The following GRIA4 variants were observed in gnomAD, a reference collection of about 807,000 sequenced individuals.
The protein encoded by GRIA4 is glutamate receptor 4.
Under a neutral mutation model 104.0 loss-of-function variants are expected in GRIA4, and 34 were observed. The observed-to-expected ratio is 0.33, with a 90% confidence interval of 0.25 to 0.44. The LOEUF (loss-of-function observed/expected upper bound fraction) is 0.44. Among genes scored for constraint, GRIA4 ranks in the 20% least tolerant of loss-of-function variants. The pLI is 1.00. For missense variants in GRIA4, 750 were observed against 1,096.5 expected (o/e 0.68, Z 4.46); for synonymous variants, 386 against 381.9 (o/e 1.01, Z -0.13).
At chr11:105,851,418 T>A (rs1209549433) in intron 4 of GRIA4, among the ~76,000 whole-genome samples, 2 of 152,214 alleles carry the variant, frequency 1.3e-5, no homozygotes, top group East Asian at 3.8e-4. Context: ...CTTTCCAAAG[T>A]AGCACATAGG....
chr11:105,684,183 T>C (rs1952798807), intron 3 of GRIA4, among the ~76,000 whole-genome samples: 1 of 152,034 alleles, frequency 6.6e-6, no homozygotes, highest in Non-Finnish European at 1.5e-5. Flanking sequence ...CAAATGCATA[T>C]TCTTAAATTG....
In GRIA4 at chr11:105,685,622, A is replaced by G. The variant is rs900180146; in HGVS notation, c.248-67359A>G. 1.6e-4 allele frequency among the ~76,000 whole-genome samples: 24 copies of G among 152,204 alleles called. 1 individual carries two copies. The highest frequency in any genetic ancestry group is 5.5e-4 in the African/African-American group (23 of 41,450). ...AAGGGGAGAAGATGTGTGAAAATTTATTATTTATATATGATCAGAAAAGTT... is the reference window on the plus strand; with the variant it reads ...AAGGGGAGAAGATGTGTGAAAATTTGTTATTTATATATGATCAGAAAAGTT... On this transcript the variant is annotated intron_variant, in intron 3 of 16. Coordinates refer to ENST00000282499, the MANE Select transcript of GRIA4 (RefSeq NM_000829.4).
At position 105,682,435 on chromosome 11, in the gene GRIA4, T is replaced by C. The variant is rs150314585; in HGVS notation, c.247+70001T>C. 2.0e-3 allele frequency among the ~76,000 whole-genome samples: 306 copies of C among 152,316 alleles called. 1 individual carries two copies. Among genetic ancestry groups the C allele is most frequent in the Non-Finnish European group, 3.8e-3 (258 of 68,032 alleles). On this transcript the variant is annotated intron_variant, in intron 3 of 16. Transcript: ENST00000282499. ...TGTACTCTTTCATCTAAAGAAAAGA[T>C]GATGACAGAAACCAGAACACATTTA...
chr11:105,807,166 G>A (rs557591478), intron 4 of GRIA4, among the ~76,000 whole-genome samples: 1 of 151,878 alleles, frequency 6.6e-6, no homozygotes, highest in African/African-American at 2.4e-5. Flanking sequence ...AAGAACACTG[G>A]GAATAAAGAG....
At chr11:105,818,490 T>C (rs138098221) in intron 4 of GRIA4, among the ~76,000 whole-genome samples, 1 of 152,302 alleles carries the variant, frequency 6.6e-6, no homozygotes, top group Non-Finnish European at 1.5e-5. Flanking sequence ...TTGCTTACTA[T>C]GTTATTTTTC....
At chr11:105,696,235 T>G (rs982284568) in intron 3 of GRIA4, among the ~76,000 whole-genome samples, 2 of 152,176 alleles carry the variant, frequency 1.3e-5, no homozygotes, top group African/African-American at 2.4e-5. Context: ...TGTTACGTAC[T>G]TGACCTTGGC....
intron 4 of GRIA4, among the ~76,000 whole-genome samples, chr11:105,806,656 G>A (rs950348864): frequency 2.0e-5 from 3 of 151,700 alleles, no homozygotes; most frequent in Non-Finnish European, 3.0e-5. Context: ...ATGAAATTTT[G>A]TATATTGAAT....
At chr11:105,779,576 T>A (rs902689825) in intron 4 of GRIA4, among the ~76,000 whole-genome samples, 1 of 152,046 alleles carries the variant, frequency 6.6e-6, no homozygotes, top group African/African-American at 2.4e-5. Flanking sequence ...ATGGCACATG[T>A]ATACATATGT....
In GRIA4 at chr11:105,624,217, C is replaced by T. The variant is rs557606741; in HGVS notation, c.247+11783C>T. Reference sequence around the variant, plus strand: ...AGGACTGTTAATGCTAATTGACGTACATTGTGCTGATCAGATTGCATTTTG... The same window carrying T: ...AGGACTGTTAATGCTAATTGACGTATATTGTGCTGATCAGATTGCATTTTG... On this transcript the variant is annotated intron_variant, in intron 3 of 16. Coordinates refer to ENST00000282499, the MANE Select transcript of GRIA4 (RefSeq NM_000829.4). 1.1e-3 allele frequency among the ~76,000 whole-genome samples: 167 copies of T among 152,192 alleles called. 6 individuals carry two copies. The South Asian group carries it at 0.034, about 31-fold the overall frequency.
intron 3 of GRIA4, among the ~76,000 whole-genome samples, chr11:105,714,440 G>T (rs942583916): frequency 6.6e-6 from 1 of 151,998 alleles, no homozygotes. Context: ...AAGTGAATAA[G>T]TCTCCATCAT....
At chr11:105,622,086 A>G (rs1466739954) in intron 3 of GRIA4, among the ~76,000 whole-genome samples, 1 of 151,276 alleles carries the variant, frequency 6.6e-6, no homozygotes, top group Non-Finnish European at 1.5e-5. Flanking sequence ...GTTGCAAATT[A>G]TTTTTCCACT....
At chr11:105,816,557 A>G (rs187439668) in intron 4 of GRIA4, among the ~76,000 whole-genome samples, 55 of 152,344 alleles carry the variant, frequency 3.6e-4, no homozygotes, top group Non-Finnish European at 2.9e-5. Context: ...CTTTCTGTAC[A>G]GCCTGCAGAA....
Position 105,826,118 on chromosome 11 carries a change from G to A in GRIA4, c.488-35906G>A, listed in dbSNP as rs925669005. Among the ~76,000 whole-genome samples, 5 of 152,024 alleles carry A rather than the reference G, an allele frequency of 3.3e-5. No homozygotes were observed. In the East Asian group the frequency reaches 9.7e-4, roughly 29 times the overall value. On this transcript the variant is annotated intron_variant, in intron 4 of 16. Transcript: ENST00000282499. ...AACCTTCAGTTCCCCTTGAGGACAA[G>A]CTGGCCTCAGCCCTGCCCCTAAACA...
intron 3 of GRIA4, among the ~76,000 whole-genome samples, chr11:105,638,048 T>G (rs1214923784): frequency 6.6e-6 from 1 of 152,176 alleles, no homozygotes; most frequent in Non-Finnish European, 1.5e-5. Context: ...ACTAATATGT[T>G]TTGTGCGTTT....
At chr11:105,729,107 TC>T (rs1938416421) in intron 3 of GRIA4, among the ~76,000 whole-genome samples, 1 of 137,574 alleles carries the variant, frequency 7.3e-6, no homozygotes, top group Non-Finnish European at 1.6e-5. Context: ...ATACTGCTAG[TC>T]AAACTAATAA....
intron 14 of GRIA4, among the ~76,000 whole-genome samples, chr11:105,962,519 C>T (rs902108447): frequency 2.0e-5 from 3 of 152,058 alleles, no homozygotes; most frequent in Non-Finnish European, 4.4e-5. Flanking sequence ...GAGGGAAATT[C>T]CAGGAATAAA....
At chr11:105,648,819 G>T (rs1951606233) in intron 3 of GRIA4, among the ~76,000 whole-genome samples, 1 of 152,102 alleles carries the variant, frequency 6.6e-6, no homozygotes, top group Non-Finnish European at 1.5e-5. Flanking sequence ...TGTGATTTTT[G>T]CCATTACTTT....
chr11:105,936,768 A>G (rs1948051732), intron 14 of GRIA4, among the ~76,000 whole-genome samples: 1 of 152,198 alleles, frequency 6.6e-6, no homozygotes, highest in South Asian at 2.1e-4. Context: ...GGATCATCTC[A>G]AACAGTAGAT....
intron 4 of GRIA4, among the ~76,000 whole-genome samples, chr11:105,853,533 T>C (rs1262325411): frequency 2.6e-5 from 4 of 152,118 alleles, no homozygotes; most frequent in African/African-American, 7.2e-5. Context: ...AAGTATAAAT[T>C]AAGTAGTTTT....
Sources: allele counts gnomAD v4.1 joint callset (sites outside exome capture counted in the v4.1 genomes callset), GRCh38; gene constraint gnomAD v4.1.1; transcripts MANE v1.5; gene names NCBI Gene and HGNC (gene_info 2026-07-23, HGNC 2026-07-21).